Variants in MYO18A observed in about 807,000 individuals in gnomAD.
MYO18A encodes myosin XVIIIA, also known as unconventional myosin-XVIIIa.
MYO18A carries 78 observed loss-of-function variants against 235.8 expected under a neutral mutation model. That is an observed-to-expected ratio of 0.33 (90% CI 0.28 to 0.40). The LOEUF (loss-of-function observed/expected upper bound fraction) is 0.40. MYO18A is among the 10% of genes least tolerant of loss of function. MYO18A has a pLI of 1.00. For missense variants in MYO18A, 2,215 were observed against 2,699.3 expected (o/e 0.82, Z 3.98); for synonymous variants, 977 against 1,077.8 (o/e 0.91, Z 1.83).
intron 2 of MYO18A, among the ~76,000 whole-genome samples, chr17:29,154,360 C>G (rs930636379): frequency 6.6e-6 from 1 of 152,050 alleles, no homozygotes; most frequent in Admixed American, 6.5e-5. Flanking sequence ...AGGCTGGTAC[C>G]CCTAGGAGAA....
rs182094620 is a variant in MYO18A, at chr17:29,090,236, C to G, written c.5389-138G>C. 232 of 1,037,180 alleles carry G rather than the reference C, an allele frequency of 2.2e-4. No homozygotes were observed. In the East Asian group the frequency reaches 5.4e-3, roughly 24 times the overall value. 64.2% of individuals were successfully genotyped at this position (1,037,180 alleles called of 1,614,324 possible). A position where few individuals can be genotyped will look rare whatever the true frequency, so the allele number is the denominator to read the frequency against. On this transcript the variant is annotated intron_variant, in intron 36 of 41. Transcript: ENST00000527372. ...GCACCTGGGAGGAAAGAGAATGGAG[C>G]CCTGGGCCAGAGGCCTCCCCCATCT...
chr17:29,121,024 C>T lies in MYO18A; in HGVS notation c.1559G>A (p.Gly520Asp), dbSNP rs1177989629. The T allele has an allele frequency of 1.2e-6, 2 of 1,612,194 alleles. No homozygotes were observed. The highest frequency in any genetic ancestry group is 1.3e-5 in the African/African-American group (1 of 74,978). ...AGAAAACACCTTGTTCCCGCTGATG[C>T]CCGCGATGGTGGCCAGGTACTGCAC... ...HLVQYLATIA[G>D]ISGNKVFSVE... is the part of the protein sequence containing the mutation. The change falls in exon 6 of 42, where the codon GGC becomes GAC. Residue 520 changes from glycine (G) to aspartate (D), a missense_variant. Physicochemically the swap from Gly to Asp is moderately conservative, Grantham distance 94. Transcript: ENST00000527372. This position sits in a 1 kb window ranked among gnomAD's most constrained non-coding sequence, Gnocchi z 4.2.
chr17:29,163,968 C>T (rs1406511878), intron 2 of MYO18A, among the ~76,000 whole-genome samples: 1 of 152,268 alleles, frequency 6.6e-6, no homozygotes, highest in Non-Finnish European at 1.5e-5. Flanking sequence ...CGGCTCACTG[C>T]AACTTCCGCC....
intron 2 of MYO18A, chr17:29,128,587 C>T (rs386465607): frequency 1.6e-5 from 19 of 1,181,984 alleles, no homozygotes; most frequent in Non-Finnish European, 1.9e-5. Flanking sequence ...ATCACCCCTG[C>T]AGCCCTGCCC....
At chr17:29,094,436 C>A in intron 30 of MYO18A, 1 of 620,382 alleles carries the variant, frequency 1.6e-6, no homozygotes, top group Non-Finnish European at 2.8e-6. Flanking sequence ...TACTAGAGCT[C>A]CATCAGATTT....
intron 2 of MYO18A, among the ~76,000 whole-genome samples, chr17:29,147,525 A>ATTTAGG (rs1256916608): frequency 1.6e-4 from 25 of 151,726 alleles, no homozygotes; most frequent in African/African-American, 5.8e-4. Context: ...CTGCCTAAAA[A>ATTTAGG]CAAAAAACAA....
chr17:29,100,659 G>C (rs2066632206), intron 21 of MYO18A, among the ~76,000 whole-genome samples: 1 of 152,220 alleles, frequency 6.6e-6, no homozygotes, highest in African/African-American at 2.4e-5. Context: ...ATGAGAGTGG[G>C]CAGAGACACC....
chr17:29,169,207 C>G (rs1043447471), intron 1 of MYO18A, among the ~76,000 whole-genome samples: 1 of 152,134 alleles, frequency 6.6e-6, no homozygotes, highest in African/African-American at 2.4e-5. Context: ...CCCGCCACCA[C>G]GCCCAGCTAA....
chr17:29,074,599 A>C lies in MYO18A; in HGVS notation c.*171T>G. 3.0e-6 allele frequency: 2 copies of C among 675,312 alleles called. No individual in the cohort carries two copies. Among genetic ancestry groups the C allele is most frequent in the Non-Finnish European group, 5.1e-6 (2 of 390,672 alleles). The allele number at this position is 675,312 out of a possible 1,614,324, so 41.8% of individuals were successfully genotyped here. Reference sequence around the variant, plus strand: ...TCTTTCCCCCACCTCTTCCACGTGGAGACATCAGACACCCATAGCCTGGAA... The same window carrying C: ...TCTTTCCCCCACCTCTTCCACGTGGCGACATCAGACACCCATAGCCTGGAA... On this transcript the variant is annotated 3_prime_UTR_variant, in exon 42 of 42. Transcript: ENST00000527372. The surrounding 1 kb of genome is among the most constrained non-coding windows in gnomAD (Gnocchi z 4.4).
intron 34 of MYO18A, chr17:29,091,628 A>C (rs868037192): frequency 3.1e-5 from 14 of 454,440 alleles, no homozygotes; most frequent in Middle Eastern, 4.1e-4. Context: ...TGAATTACTC[A>C]CCTGAGAACT....
intron 1 of MYO18A, among the ~76,000 whole-genome samples, chr17:29,174,801 C>A (rs1266673617): frequency 1.3e-5 from 2 of 151,484 alleles, no homozygotes; most frequent in Non-Finnish European, 2.9e-5. Flanking sequence ...CGCGAAAGGG[C>A]GAGACTCTGT....
intron 41 of MYO18A, chr17:29,075,298 G>A (rs1371598721): frequency 5.0e-6 from 1 of 200,468 alleles, no homozygotes; most frequent in Non-Finnish European, 1.2e-5. Flanking sequence ...AACCACATTG[G>A]CTTGGAGACT....
At chr17:29,123,284 T>C (rs2067243799) in intron 2 of MYO18A, among the ~76,000 whole-genome samples, 1 of 151,842 alleles carries the variant, frequency 6.6e-6, no homozygotes, top group Non-Finnish European at 1.5e-5. Context: ...AGCAAGGTCA[T>C]CCCGTGCCCC....
At chr17:29,130,823 A>C (rs1300564070) in intron 2 of MYO18A, among the ~76,000 whole-genome samples, 3 of 152,144 alleles carry the variant, frequency 2.0e-5, no homozygotes, top group Admixed American at 2.0e-4. Context: ...TCTCTATCCC[A>C]ATGCGCTGGG....
intron 2 of MYO18A, among the ~76,000 whole-genome samples, chr17:29,152,753 A>G (rs2067986130): frequency 6.6e-6 from 1 of 151,942 alleles, no homozygotes; most frequent in Non-Finnish European, 1.5e-5. Context: ...ACAGGATCTC[A>G]TTCTGTCACT....
Position 29,086,438 on chromosome 17 carries a change from C to T in MYO18A, c.5852G>A (p.Ser1951Asn). 1.9e-6 allele frequency: 3 copies of T among 1,597,430 alleles called. No individual in the cohort carries two copies. Among genetic ancestry groups the T allele is most frequent in the Non-Finnish European group, 2.6e-6 (3 of 1,171,780 alleles). Reference sequence around the variant, plus strand: ...AGATGCCCCAGAGGCCACTTCTCACCTGTTGATGAGGTCCTCATTCTCATC... The same window carrying T: ...AGATGCCCCAGAGGCCACTTCTCACTTGTTGATGAGGTCCTCATTCTCATC... ...ESDENEDLIN[S>N]LQDMVTKYQK... Residue 1951 changes from serine (S) to asparagine (N), a missense_variant and splice_region_variant, in exon 39 of 42, where the codon AGT (serine) becomes AAT (asparagine). Coordinates refer to ENST00000527372, the MANE Select transcript of MYO18A (RefSeq NM_078471.4).
chr17:29,083,682 C>T (rs565840874), intron 40 of MYO18A, among the ~76,000 whole-genome samples: 1 of 152,238 alleles, frequency 6.6e-6, no homozygotes, highest in Non-Finnish European at 1.5e-5. Context: ...CTGGCTGATG[C>T]CCCGGGTAAA....
intron 37 of MYO18A, among the ~76,000 whole-genome samples, chr17:29,089,259 C>T (rs1282505593): frequency 2.7e-5 from 4 of 150,036 alleles, no homozygotes; most frequent in African/African-American, 7.4e-5. Context: ...GGTGAAACCC[C>T]CTCTCTACTA....
chr17:29,153,686 C>T (rs932387778), intron 2 of MYO18A, among the ~76,000 whole-genome samples: 9 of 152,182 alleles, frequency 5.9e-5, no homozygotes, highest in Non-Finnish European at 1.0e-4. Flanking sequence ...CTCCTCTCTT[C>T]CTCCTCTCTC....
Sources: allele counts gnomAD v4.1 joint callset (sites outside exome capture counted in the v4.1 genomes callset), GRCh38; gene constraint gnomAD v4.1.1; non-coding constraint Gnocchi (gnomAD v3.1); transcripts MANE v1.5; gene names NCBI Gene and HGNC (gene_info 2026-07-23, HGNC 2026-07-21).